CBX1: variants seen among roughly 807,000 people sequenced by gnomAD.
The protein encoded by CBX1 is chromobox 1, also known as chromobox protein homolog 1.
Under a neutral mutation model 25.1 loss-of-function variants are expected in CBX1, and 10 were observed. That is an observed-to-expected ratio of 0.40 (90% CI 0.25 to 0.68). The LOEUF is 0.68. CBX1 is among the 30% of genes least tolerant of loss of function. The probability of loss-of-function intolerance (pLI) is 0.40; values close to 1 mark genes in which losing one functional copy is unlikely to be tolerated. For missense variants in CBX1, 106 were observed against 218.5 expected (o/e 0.49, Z 3.25); for synonymous variants, 63 against 79.4 (o/e 0.79, Z 1.10).
At position 48,071,193 on chromosome 17, in the gene CBX1, A is replaced by G. The variant is rs1598301577; in HGVS notation, c.*242T>C. ...TAGAAGGCCCTTTGCTTTTCGCAGC[A>G]AAGTGCAGAAAAGGTTGCCTTGAAA... is the stretch of plus-strand genomic sequence containing the variant. On this transcript the variant is annotated 3_prime_UTR_variant, in exon 5 of 5. Transcript: ENST00000225603. 3.4e-5 allele frequency: 12 copies of G among 350,142 alleles called. No homozygotes were observed. In the East Asian group the frequency reaches 5.1e-4, roughly 15 times the overall value. 21.7% of individuals were successfully genotyped at this position (350,142 alleles called of 1,614,324 possible).
chr17:48,090,071 A>C (rs2063336377), intron 1 of CBX1, among the ~76,000 whole-genome samples: 1 of 151,374 alleles, frequency 6.6e-6, no homozygotes, highest in Non-Finnish European at 1.5e-5. Context: ...ACCCCTGGCT[A>C]ATTTTTGTAT....
intron 1 of CBX1, among the ~76,000 whole-genome samples, chr17:48,084,205 T>C (rs1343701628): frequency 4.3e-5 from 3 of 70,360 alleles, no homozygotes. Flanking sequence ...TTCTTTCCTT[T>C]TTTTTTTTTT....
intron 1 of CBX1, among the ~76,000 whole-genome samples, chr17:48,091,680 T>A (rs574548528): frequency 6.6e-6 from 1 of 152,052 alleles, no homozygotes; most frequent in East Asian, 1.9e-4. Context: ...TAGCTGGAAT[T>A]ACAAGCACGC....
At chr17:48,077,104 G>A in intron 1 of CBX1, 63 bp from the exon 2 acceptor site, 2 of 1,331,616 alleles carry the variant, frequency 1.5e-6, no homozygotes, top group South Asian at 1.4e-5. Context: ...GATAATATCT[G>A]GATGGTAAGA....
chr17:48,077,445 GTTTTTTTTGTTTT>G (rs2037687543), intron 1 of CBX1, among the ~76,000 whole-genome samples: 2 of 52,418 alleles, frequency 3.8e-5, no homozygotes, highest in African/African-American at 4.8e-5. Context: ...TTTTTTTTTT[GTTTTTTTTGTTTT>G]TTTTTTTTTA....
intron 1 of CBX1, among the ~76,000 whole-genome samples, chr17:48,085,572 A>C (rs935627380): frequency 5.3e-5 from 8 of 152,188 alleles, no homozygotes; most frequent in Admixed American, 2.0e-4. Flanking sequence ...AAAAAAAAAA[A>C]AACAATGATT....
chr17:48,090,198 G>A (rs941315927), intron 1 of CBX1, among the ~76,000 whole-genome samples: 5 of 151,936 alleles, frequency 3.3e-5, no homozygotes, highest in Admixed American at 2.0e-4. Flanking sequence ...CACTGCGCCC[G>A]GCTATTTGTG....
At chr17:48,079,099 AGCCCCG>A (rs1442670134) in intron 1 of CBX1, among the ~76,000 whole-genome samples, 4 of 140,648 alleles carry the variant, frequency 2.8e-5, no homozygotes, top group Non-Finnish European at 6.2e-5. Flanking sequence ...ACCCAGCTCC[AGCCCCG>A]GCCCCGCACC....
At chr17:48,077,801 G>T (rs945147761) in intron 1 of CBX1, among the ~76,000 whole-genome samples, 1 of 152,072 alleles carries the variant, frequency 6.6e-6, no homozygotes, top group African/African-American at 2.4e-5. Context: ...AGGCAACACA[G>T]CAAGACTCCA....
chr17:48,091,535 CTTTTTTTTTTTTTTTT>C (rs4053473), intron 1 of CBX1, among the ~76,000 whole-genome samples: 1 of 72,188 alleles, frequency 1.4e-5, no homozygotes, highest in Non-Finnish European at 2.6e-5. Flanking sequence ...CCACCATGCC[CTTTTTTTTTTTTTTTT>C]TTTTTTTTTG....
At chr17:48,082,135 G>A (rs1185791519) in intron 1 of CBX1, among the ~76,000 whole-genome samples, 1 of 152,076 alleles carries the variant, frequency 6.6e-6, no homozygotes, top group Non-Finnish European at 1.5e-5. Flanking sequence ...AAGCACAGGA[G>A]GTTGAGGCTG....
Position 48,076,984 on chromosome 17 carries a change from CTTG to C in CBX1, c.18_20del (p.Asn6del). 6.2e-7 allele frequency: 1 copy of C among 1,613,342 alleles called. No individual in the cohort carries two copies. ...CTTCTAGCACCTCCTCCACTTTCTT[CTTG>C]TTTTGTTTTTTCCCCATAGTGCCCG... On this transcript the variant is annotated inframe_deletion, in exon 2 of 5. Transcript: ENST00000225603.
chr17:48,078,434 C>T lies in CBX1; in HGVS notation c.-37-1393G>A, dbSNP rs569159733. ...GTCTCGATCTCCTGACCTCATGATC[C>T]GCCTGCCTCGGCCTCCCAAAGTGCT... is the stretch of plus-strand genomic sequence containing the variant. On this transcript the variant is annotated intron_variant, in intron 1 of 4. Transcript: ENST00000225603. 6.6e-4 allele frequency among the ~76,000 whole-genome samples: 100 copies of T among 151,878 alleles called. 2 individuals are homozygous for T. The Middle Eastern group carries it at 0.017, about 26-fold the overall frequency.
At chr17:48,096,412 A>C in intron 1 of CBX1, 1 of 976,222 alleles carries the variant, frequency 1.0e-6, no homozygotes, top group Non-Finnish European at 1.2e-6. Context: ...TCAAAGGTGA[A>C]TTTAAGATAA....
intron 1 of CBX1, among the ~76,000 whole-genome samples, chr17:48,086,099 C>A (rs998997658): frequency 1.3e-5 from 2 of 152,018 alleles, no homozygotes; most frequent in South Asian, 2.1e-4. Flanking sequence ...ACAAAAAAAA[C>A]CCAAAACTTG....
chr17:48,080,918 TCAAAAAAAAA>T (rs2037724647), intron 1 of CBX1, among the ~76,000 whole-genome samples: 1 of 13,656 alleles, frequency 7.3e-5, no homozygotes, highest in African/African-American at 2.6e-4. Flanking sequence ...AGACTCCATC[TCAAAAAAAAA>T]AAAAAAAAAA....
In CBX1 at chr17:48,094,114, C is replaced by CAAAAA. The variant is rs11459504; in HGVS notation, c.-38+7149_-38+7153dup. Among the ~76,000 whole-genome samples, 210 of 50,306 alleles carry CAAAAA rather than the reference C, an allele frequency of 4.2e-3. 2 individuals are homozygous for CAAAAA. The highest frequency in any genetic ancestry group is 5.3e-3 in the Non-Finnish European group (157 of 29,652). 33.0% of individuals were successfully genotyped at this position (50,306 alleles called of 152,430 possible). A position where few individuals can be genotyped will look rare whatever the true frequency, so the allele number is the denominator to read the frequency against. On this transcript the variant is annotated intron_variant, in intron 1 of 4. Coordinates refer to ENST00000225603, the MANE Select transcript of CBX1 (RefSeq NM_001127228.2). The stretch of plus-strand genomic sequence containing the variant: ...GGGCATCAAGAGTGAAACTCTGTCT[C>CAAAAA]AAAAAAAAAAAAAAAAAAAAAAAAG...
At chr17:48,075,379 G>GA (rs1349623136) in intron 3 of CBX1, among the ~76,000 whole-genome samples, 1 of 151,990 alleles carries the variant, frequency 6.6e-6, no homozygotes, top group Non-Finnish European at 1.5e-5. Context: ...ATTTTTAGTA[G>GA]AGACCCAGTT....
chr17:48,071,504 G>A lies in CBX1; in HGVS notation c.489C>T (p.Phe163=). ...AATGCCACGTCAGCCTTTCCTCATA[G>A]AAGGATATGACAACCTGTGGGCACT... ...NVKCPQVVIS[F]YEERLTWHSY... Residue 163 remains phenylalanine (F), a synonymous_variant, in exon 5 of 5, where the codon TTC becomes TTT. Coordinates refer to ENST00000225603, the MANE Select transcript of CBX1 (RefSeq NM_001127228.2). The A allele has an allele frequency of 6.2e-7, 1 of 1,613,698 alleles. No homozygotes were observed. The highest frequency in any genetic ancestry group is 1.1e-5 in the South Asian group (1 of 91,060).
Sources: allele counts gnomAD v4.1 joint callset (sites outside exome capture counted in the v4.1 genomes callset), GRCh38; gene constraint gnomAD v4.1.1; transcripts MANE v1.5; gene names NCBI Gene and HGNC (gene_info 2026-07-23, HGNC 2026-07-21).